CNTNAP2: variants seen among roughly 807,000 people sequenced by gnomAD.
CNTNAP2 encodes the protein contactin-associated protein-like 2.
In CNTNAP2, 98 loss-of-function variants were observed where a neutral mutation model predicts 155.2. The observed-to-expected ratio is 0.63, with a 90% CI of 0.54 to 0.75. The LOEUF (loss-of-function observed/expected upper bound fraction) is 0.75. Among genes scored for constraint, CNTNAP2 ranks in the 30% least tolerant of loss-of-function variants. The probability of loss-of-function intolerance (pLI) is 0.00; values close to 1 mark genes in which losing one functional copy is unlikely to be tolerated. For missense variants in CNTNAP2, 1,727 were observed against 1,688.1 expected (o/e 1.02, Z -0.40); for synonymous variants, 651 against 631.2 (o/e 1.03, Z -0.47).
intron 10 of CNTNAP2, among the ~76,000 whole-genome samples, chr7:147,468,460 A>G (rs1432893996): frequency 6.6e-6 from 1 of 152,212 alleles, no homozygotes; most frequent in Non-Finnish European, 1.5e-5. Context: ...TTGTATCTAT[A>G]TATAAAGCCT....
rs528446535 is a variant in CNTNAP2, at chr7:146,368,472, G to A, written c.97+251499G>A. ...TTGGTACCACAAGGTCTAGTGTTTA[G>A]AGCTGGCTCTGCCAGTCACTATCCC... On this transcript the variant is annotated intron_variant, in intron 1 of 23. Transcript: ENST00000361727. 7.2e-5 allele frequency among the ~76,000 whole-genome samples: 11 copies of A among 152,204 alleles called. No homozygotes were observed. The South Asian group carries it at 2.3e-3, about 32-fold the overall frequency.
chr7:146,759,550 C>T (rs776745872), intron 1 of CNTNAP2, among the ~76,000 whole-genome samples: 10 of 151,858 alleles, frequency 6.6e-5, no homozygotes, highest in African/African-American at 2.4e-4. Flanking sequence ...AAAAAATTAG[C>T]TAGGTGTGGT....
At chr7:147,814,307 G>A (rs1798231481) in intron 13 of CNTNAP2, among the ~76,000 whole-genome samples, 1 of 152,110 alleles carries the variant, frequency 6.6e-6, no homozygotes, top group African/African-American at 2.4e-5. Flanking sequence ...GAAAGCTTTT[G>A]TTACATGATT....
At position 148,297,508 on chromosome 7, in the gene CNTNAP2, C is replaced by T. The variant is rs1453922854; in HGVS notation, c.3475+30382C>T. Among the ~76,000 whole-genome samples the T allele has an allele frequency of 5.3e-5, 8 of 152,090 alleles. No homozygotes were observed. In the East Asian group the frequency reaches 1.4e-3, roughly 26 times the overall value. On this transcript the variant is annotated intron_variant, in intron 21 of 23. Coordinates refer to ENST00000361727, the MANE Select transcript of CNTNAP2 (RefSeq NM_014141.6). ...ATGGGAGATTGCTCATTATGGAGAACCATAGAGGCATCTCAGTAAGAGGAT... is the reference window on the plus strand; with the variant it reads ...ATGGGAGATTGCTCATTATGGAGAATCATAGAGGCATCTCAGTAAGAGGAT...
intron 11 of CNTNAP2, among the ~76,000 whole-genome samples, chr7:147,500,803 T>C (rs540070481): frequency 1.3e-5 from 2 of 152,336 alleles, no homozygotes; most frequent in Non-Finnish European, 2.9e-5. Context: ...CATTTGGTAA[T>C]GTTCCTGATA....
intron 1 of CNTNAP2, among the ~76,000 whole-genome samples, chr7:146,403,870 A>AC (rs1339147845): frequency 2.6e-5 from 4 of 152,132 alleles, no homozygotes; most frequent in Non-Finnish European, 5.9e-5. Context: ...GGACTTAAAA[A>AC]ACAAAGACAC....
chr7:146,749,566 A>T (rs940928449), intron 1 of CNTNAP2, among the ~76,000 whole-genome samples: 2 of 152,240 alleles, frequency 1.3e-5, no homozygotes, highest in African/African-American at 2.4e-5. Flanking sequence ...TAGGCAGCCA[A>T]AAAATGACTA....
At chr7:146,144,273 C>T (rs1195570185) in intron 1 of CNTNAP2, among the ~76,000 whole-genome samples, 6 of 151,960 alleles carry the variant, frequency 3.9e-5, no homozygotes, top group Non-Finnish European at 7.4e-5. Flanking sequence ...CGCCTCAGCC[C>T]CTCAAGTAGC....
At chr7:147,425,715 G>A (rs1331644241) in intron 10 of CNTNAP2, among the ~76,000 whole-genome samples, 1 of 152,104 alleles carries the variant, frequency 6.6e-6, no homozygotes, top group East Asian at 1.9e-4. Flanking sequence ...ACCCAAGGAA[G>A]GGTAAATGGA....
intron 1 of CNTNAP2, among the ~76,000 whole-genome samples, chr7:146,626,004 G>T (rs867910165): frequency 5.3e-5 from 8 of 152,036 alleles, no homozygotes; most frequent in African/African-American, 1.9e-4. Flanking sequence ...GGAAATGGAT[G>T]AATCATTTCT....
chr7:148,266,968 G>A, intron 20 of CNTNAP2, 65 bp from the exon 21 acceptor site: 2 of 1,430,392 alleles, frequency 1.4e-6, no homozygotes, highest in East Asian at 4.6e-5. Flanking sequence ...TCCCCACAGG[G>A]AAGATTTGGT....
At chr7:148,051,520 C>T (rs1209851020) in intron 15 of CNTNAP2, among the ~76,000 whole-genome samples, 2 of 151,552 alleles carry the variant, frequency 1.3e-5, no homozygotes, top group Admixed American at 1.3e-4. Flanking sequence ...GTCACAAATG[C>T]AAGAATAGGC....
chr7:146,712,442 G>C (rs577140247), intron 1 of CNTNAP2, among the ~76,000 whole-genome samples: 1 of 146,954 alleles, frequency 6.8e-6, no homozygotes, highest in Non-Finnish European at 1.5e-5. Context: ...GCACAGAAGA[G>C]GAAGATAATA....
chr7:146,406,857 C>G (rs985540240), intron 1 of CNTNAP2, among the ~76,000 whole-genome samples: 1 of 152,154 alleles, frequency 6.6e-6, no homozygotes, highest in Non-Finnish European at 1.5e-5. Context: ...TGGAAAGCAG[C>G]CAGGTGAAGG....
At chr7:147,806,579 C>G (rs183613786) in intron 13 of CNTNAP2, among the ~76,000 whole-genome samples, 121 of 152,226 alleles carry the variant, frequency 7.9e-4, no homozygotes, top group Admixed American at 1.6e-3. Context: ...TTGCAGTAGC[C>G]AAGATGTGGA....
chr7:146,660,353 A>C (rs1299948029), intron 1 of CNTNAP2, among the ~76,000 whole-genome samples: 1 of 152,230 alleles, frequency 6.6e-6, no homozygotes, highest in Non-Finnish European at 1.5e-5. Flanking sequence ...CATGCAGCCA[A>C]CTGGAAGATG....
chr7:146,814,526 A>G (rs904436930), intron 2 of CNTNAP2, among the ~76,000 whole-genome samples: 5 of 152,224 alleles, frequency 3.3e-5, no homozygotes, highest in South Asian at 2.1e-4. Context: ...AGTGCAAACT[A>G]TAGACCAAAT....
At chr7:146,139,842 T>A (rs891175788) in intron 1 of CNTNAP2, among the ~76,000 whole-genome samples, 3 of 152,182 alleles carry the variant, frequency 2.0e-5, no homozygotes, top group Non-Finnish European at 2.9e-5. Context: ...TAATACATGC[T>A]TGAGTTCATA....
intron 1 of CNTNAP2, among the ~76,000 whole-genome samples, chr7:146,282,187 C>A (rs912250195): frequency 2.2e-4 from 34 of 152,200 alleles, no homozygotes; most frequent in Admixed American, 2.2e-3. Context: ...AGACTCATGA[C>A]AATGCTACAC....
Sources: allele counts gnomAD v4.1 joint callset (sites outside exome capture counted in the v4.1 genomes callset), GRCh38; gene constraint gnomAD v4.1.1; transcripts MANE v1.5; gene names NCBI Gene and HGNC (gene_info 2026-07-23, HGNC 2026-07-21).